FAAH2: variants seen among roughly 807,000 people sequenced by gnomAD.
FAAH2 encodes fatty-acid amide hydrolase 2.
A neutral mutation model predicts 36.9 loss-of-function variants in FAAH2; 60 were observed. The ratio of observed to expected loss-of-function variants is 1.63; its 90% CI spans 1.32 to 2.02. The LOEUF (loss-of-function observed/expected upper bound fraction) is 2.02, where lower values mean the gene tolerates loss of function less well. FAAH2 is among the 30% of genes most tolerant of loss of function. The pLI, the probability that FAAH2 is intolerant of heterozygous loss-of-function variation, is 0.00. For missense variants in FAAH2, 689 were observed against 397.5 expected, an observed-to-expected ratio of 1.73 and a Z score of -6.23; for synonymous variants, 214 against 143.8, an observed-to-expected ratio of 1.49 and a Z score of -3.49.
chrX:57,216,520 G>A, the FAAH2 span, among the ~76,000 whole-genome samples: 3 of 46,126 alleles, frequency 6.5e-5, no homozygotes, highest in South Asian at 1.8e-3. Flanking sequence ...ATATATATAC[G>A]TATATGTATA....
At chrX:57,456,835 G>A (rs2056871962) in intron 10 of FAAH2, among the ~76,000 whole-genome samples, 1 of 111,268 alleles carries the variant, frequency 9.0e-6, no homozygotes, top group African/African-American at 3.3e-5. Context: ...CCAGGACCAT[G>A]GATTCACGGC....
intron 8 of FAAH2, among the ~76,000 whole-genome samples, chrX:57,444,023 TG>T (rs1342264343): frequency 8.9e-6 from 1 of 112,085 alleles, no homozygotes; most frequent in Admixed American, 9.5e-5. Context: ...CAGCCCCTAC[TG>T]GGAGCTGTCT....
intron 10 of FAAH2, among the ~76,000 whole-genome samples, chrX:57,475,335 T>C (rs1372697205): frequency 8.9e-6 from 1 of 112,184 alleles, no homozygotes; most frequent in East Asian, 2.8e-4. Context: ...GGGTTTTACA[T>C]TTAAGCCTTT....
intron 5 of FAAH2, among the ~76,000 whole-genome samples, chrX:57,343,454 CTT>C (rs2053741408): frequency 9.0e-6 from 1 of 110,867 alleles, no homozygotes; most frequent in African/African-American, 3.3e-5. Context: ...TTTTCTCACT[CTT>C]TAATTGATTA....
intron 10 of FAAH2, among the ~76,000 whole-genome samples, chrX:57,464,860 CA>C (rs775311745): frequency 6.4e-5 from 7 of 109,956 alleles, no homozygotes; most frequent in Middle Eastern, 4.8e-3. Flanking sequence ...TTGAAATTAA[CA>C]AAAAAAACAA....
intron 5 of FAAH2, among the ~76,000 whole-genome samples, chrX:57,352,904 G>A (rs2054062524): frequency 9.1e-6 from 1 of 110,325 alleles, no homozygotes; most frequent in South Asian, 3.7e-4. Context: ...CCAAGGAGGA[G>A]AAAGATTACT....
Position 57,310,621 on chromosome X carries a change from G to T in FAAH2, c.304G>T (p.Ala102Ser), listed in dbSNP as rs763846275. Residue 102 changes from alanine to serine, a missense_variant, in exon 3 of 11, where the codon GCT becomes TCT. Coordinates refer to ENST00000374900, the MANE Select transcript of FAAH2 (RefSeq NM_174912.4). ...TGAGGAAGCGATGAAGGAGGCTCAT[G>T]CTGTAGATCAAAAGCTTGCAGAGAA... ...RFEEAMKEAH[A>S]VDQKLAEKQE... The T allele has an allele frequency of 8.3e-7, 1 of 1,208,927 alleles. No homozygotes were observed. The highest frequency in any genetic ancestry group is 1.1e-6 in the Non-Finnish European group (1 of 894,326).
At chrX:57,428,733 A>G (rs1358790110) in intron 7 of FAAH2, among the ~76,000 whole-genome samples, 3 of 112,092 alleles carry the variant, frequency 2.7e-5, no homozygotes, top group Non-Finnish European at 3.8e-5. Flanking sequence ...ATATGCAAAA[A>G]TTATCACAAA....
the FAAH2 span, among the ~76,000 whole-genome samples, chrX:57,276,612 T>G: frequency 2.7e-5 from 3 of 110,080 alleles, no homozygotes; most frequent in African/African-American, 1.0e-4. Flanking sequence ...AAAAAACCCT[T>G]CAAAAAAATC....
At chrX:57,142,524 A>T in the FAAH2 span, among the ~76,000 whole-genome samples, 174 of 112,334 alleles carry the variant, frequency 1.5e-3, no homozygotes, top group Non-Finnish European at 2.5e-3. Flanking sequence ...GTGGCCTAAC[A>T]TATGGTCTGT....
At chrX:57,424,857 C>T (rs938289770) in intron 7 of FAAH2, among the ~76,000 whole-genome samples, 1 of 111,514 alleles carries the variant, frequency 9.0e-6, no homozygotes, top group Non-Finnish European at 1.9e-5. Context: ...AACAAGCACA[C>T]CAACTTGGTA....
At chrX:57,463,006 A>C (rs1167925417) in intron 10 of FAAH2, among the ~76,000 whole-genome samples, 1 of 111,893 alleles carries the variant, frequency 8.9e-6, no homozygotes, top group Non-Finnish European at 1.9e-5. Flanking sequence ...ATTCCTATAC[A>C]CCAATAATAG....
At chrX:57,443,287 T>A (rs1211702003) in intron 8 of FAAH2, among the ~76,000 whole-genome samples, 1 of 111,993 alleles carries the variant, frequency 8.9e-6, no homozygotes, top group East Asian at 2.8e-4. Context: ...TAGTCCCATA[T>A]TTCTTGGAGG....
At chrX:57,285,475 A>C (rs761650343), upstream of FAAH2, among the ~76,000 whole-genome samples, 3 of 111,848 alleles carry the variant, frequency 2.7e-5, no homozygotes, top group East Asian at 8.4e-4. Context: ...TAGACACAAA[A>C]ACCTAACACA....
At chrX:57,184,897 A>T in the FAAH2 span, among the ~76,000 whole-genome samples, 3 of 111,930 alleles carry the variant, frequency 2.7e-5, no homozygotes, top group Admixed American at 2.8e-4. Flanking sequence ...GGAACATGGA[A>T]ATCTGCAACA....
At chrX:57,385,282 A>T (rs999077160) in intron 7 of FAAH2, among the ~76,000 whole-genome samples, 15 of 89,857 alleles carry the variant, frequency 1.7e-4, no homozygotes, top group East Asian at 5.9e-4. Flanking sequence ...AGTATAATAA[A>T]AAAAAAAAAA....
the FAAH2 span, among the ~76,000 whole-genome samples, chrX:57,132,078 G>A: frequency 8.9e-6 from 1 of 112,228 alleles, no homozygotes; most frequent in Non-Finnish European, 1.9e-5. Flanking sequence ...CGTGATATAC[G>A]TAATGAATTT....
At chrX:57,211,240 G>T in the FAAH2 span, among the ~76,000 whole-genome samples, 1 of 111,852 alleles carries the variant, frequency 8.9e-6, no homozygotes, top group African/African-American at 3.3e-5. Flanking sequence ...AGTAATTCGG[G>T]TCTCACTACC....
chrX:57,462,142 T>A (rs2147219357), intron 10 of FAAH2, among the ~76,000 whole-genome samples: 1 of 57,769 alleles, frequency 1.7e-5, no homozygotes, highest in East Asian at 5.7e-4. Context: ...AGTTCTGAAA[T>A]TAAGGCAGTA....
Sources: gnomAD v4.1 joint callset for allele counts (sites outside exome capture counted in the v4.1 genomes callset) on GRCh38, gnomAD v4.1.1 for gene constraint, MANE v1.5 for transcripts, NCBI Gene and HGNC (gene_info 2026-07-23, HGNC 2026-07-21) for gene names.